Variants in TTLL11 observed in about 807,000 individuals in gnomAD.
The protein encoded by TTLL11 is tubulin polyglutamylase TTLL11.
In TTLL11, 42 loss-of-function variants were observed where a neutral mutation model predicts 51.7. The ratio of observed to expected loss-of-function variants is 0.81; its 90% CI spans 0.64 to 1.05. The LOEUF (loss-of-function observed/expected upper bound fraction) is 1.05. Ranked by LOEUF, TTLL11 falls within the 50% of genes least tolerant of loss-of-function variation. TTLL11 has a pLI of 0.00. For synonymous variants in TTLL11, 381 were observed against 383.5 expected (o/e 0.99, Z 0.08); for missense variants, 799 against 940.4 (o/e 0.85, Z 1.97).
intron 4 of TTLL11, among the ~76,000 whole-genome samples, chr9:121,982,815 A>G (rs530434572): frequency 6.6e-6 from 1 of 152,278 alleles, no homozygotes; most frequent in African/African-American, 2.4e-5. Context: ...CTTCCAAAGA[A>G]TAGCAAAGAG....
rs1446390891 is a variant in TTLL11 at position 122,040,550 on chromosome 9, T to C, written c.463-1182A>G. ...TTTGCTTGTTAAAAGTGCACACAAA[T>C]AGATATGCCAACATATTAAATAAAA... On this transcript the variant is annotated intron_variant, in intron 1 of 8. Coordinates refer to ENST00000321582, the MANE Select transcript of TTLL11 (RefSeq NM_001139442.2). Among the ~76,000 whole-genome samples, 4 of 152,348 alleles carry C rather than the reference T, an allele frequency of 2.6e-5. No homozygotes were observed. In the East Asian group the frequency reaches 5.8e-4, roughly 22 times the overall value.
In TTLL11 at chr9:121,883,743, C is replaced by G. The variant is rs181812911; in HGVS notation, c.1482-12995G>C. On this transcript the variant is annotated intron_variant, in intron 6 of 8. Transcript: ENST00000321582. ...TGCAGTGGTGTTTCTCACAGAAGTACTAAATGTTTAGTTATCAAGGTACAT... is the reference window on the plus strand; with the variant it reads ...TGCAGTGGTGTTTCTCACAGAAGTAGTAAATGTTTAGTTATCAAGGTACAT... Among the ~76,000 whole-genome samples the G allele has an allele frequency of 1.7e-3, 266 of 152,302 alleles. 2 individuals carry two copies. The highest frequency in any genetic ancestry group is 6.2e-3 in the African/African-American group (256 of 41,566).
chr9:122,045,293 C>T (rs1439144634), intron 1 of TTLL11, among the ~76,000 whole-genome samples: 2 of 152,132 alleles, frequency 1.3e-5, no homozygotes, highest in African/African-American at 4.8e-5. Context: ...TTCCTCACCC[C>T]TGTAATCCCA....
intron 6 of TTLL11, among the ~76,000 whole-genome samples, chr9:121,873,380 TCC>T (rs1031727487): frequency 1.8e-4 from 22 of 123,946 alleles, no homozygotes; most frequent in African/African-American, 6.6e-4. Context: ...ATTCTTCTTC[TCC>T]TTTTTTTTTT....
chr9:121,881,755 T>C (rs555543112), intron 6 of TTLL11, among the ~76,000 whole-genome samples: 2 of 152,356 alleles, frequency 1.3e-5, no homozygotes, highest in South Asian at 4.1e-4. Flanking sequence ...AAGGGTGTCC[T>C]GACCTTGCAT....
At chr9:121,883,053 G>C (rs1838857574) in intron 6 of TTLL11, among the ~76,000 whole-genome samples, 1 of 152,046 alleles carries the variant, frequency 6.6e-6, no homozygotes, top group Admixed American at 6.6e-5. Context: ...AAGAATTTGG[G>C]GTAATTTTGC....
chr9:122,036,401 T>C (rs17178044), intron 2 of TTLL11, among the ~76,000 whole-genome samples: 6,663 of 151,926 alleles, frequency 0.044, 289 homozygotes, highest in Admixed American at 0.12. Context: ...TTTTGGACTT[T>C]CTTAAAGCTA....
intron 6 of TTLL11, among the ~76,000 whole-genome samples, chr9:121,911,397 A>G (rs922617276): frequency 7.2e-5 from 11 of 152,262 alleles, no homozygotes; most frequent in Admixed American, 7.2e-4. Context: ...ACTCCATCTC[A>G]GGAGAAAAAA....
intron 4 of TTLL11, among the ~76,000 whole-genome samples, chr9:121,978,449 C>CTGTATTTA: frequency 6.7e-6 from 1 of 148,350 alleles, no homozygotes; most frequent in East Asian, 2.0e-4. Context: ...AAGGAAAAAG[C>CTGTATTTA]TTTATTTATT....
intron 6 of TTLL11, among the ~76,000 whole-genome samples, chr9:121,929,729 A>G (rs1016283538): frequency 1.3e-5 from 2 of 152,226 alleles, no homozygotes; most frequent in Non-Finnish European, 2.9e-5. Flanking sequence ...ACAAGAAGAA[A>G]GCACACTTGA....
chr9:121,879,020 C>T (rs1438529343), intron 6 of TTLL11, among the ~76,000 whole-genome samples: 1 of 152,150 alleles, frequency 6.6e-6, no homozygotes, highest in Non-Finnish European at 1.5e-5. Flanking sequence ...CATACAGTCT[C>T]AAAGCTTTAG....
chr9:121,973,366 G>T (rs1398310352), intron 6 of TTLL11, among the ~76,000 whole-genome samples: 1 of 152,194 alleles, frequency 6.6e-6, no homozygotes, highest in African/African-American at 2.4e-5. Flanking sequence ...CCATGTCCTA[G>T]TTACCTATGG....
chr9:121,873,119 A>T (rs189273693), intron 6 of TTLL11, among the ~76,000 whole-genome samples: 1 of 152,220 alleles, frequency 6.6e-6, no homozygotes, highest in Admixed American at 6.5e-5. Flanking sequence ...TTGGAAATGT[A>T]CAGTTGGAAT....
chr9:121,981,149 A>T (rs1344234742), intron 4 of TTLL11, among the ~76,000 whole-genome samples: 161 of 145,748 alleles, frequency 1.1e-3, no homozygotes, highest in African/African-American at 3.4e-3. Context: ...TTTTTTTTTT[A>T]AATATTCCCT....
chr9:121,925,537 T>A (rs1840698072), intron 6 of TTLL11, among the ~76,000 whole-genome samples: 1 of 151,416 alleles, frequency 6.6e-6, no homozygotes, highest in Non-Finnish European at 1.5e-5. Flanking sequence ...CCCTCTCTCC[T>A]CTTCCTCAAA....
chr9:122,044,419 C>T lies in TTLL11; in HGVS notation c.463-5051G>A, dbSNP rs570244486. Reference sequence around the variant, plus strand: ...AAATGGTATTTCTAGTTCTAGATCCCTGAGGAATTGCCACACCGACTTCCA... The same window carrying T: ...AAATGGTATTTCTAGTTCTAGATCCTTGAGGAATTGCCACACCGACTTCCA... On this transcript the variant is annotated intron_variant, in intron 1 of 8. Transcript: ENST00000321582. Among the ~76,000 whole-genome samples the T allele has an allele frequency of 4.9e-3, 740 of 152,230 alleles. 3 individuals are homozygous for T. Among genetic ancestry groups the T allele is most frequent in the Non-Finnish European group, 7.9e-3 (535 of 68,026 alleles).
intron 6 of TTLL11, among the ~76,000 whole-genome samples, chr9:121,909,776 C>T (rs564868473): frequency 1.3e-5 from 2 of 152,190 alleles, no homozygotes; most frequent in Non-Finnish European, 2.9e-5. Flanking sequence ...TCCCGCAGAG[C>T]ATTCTGGGCA....
chr9:122,018,240 G>A (rs1293070684), intron 3 of TTLL11, among the ~76,000 whole-genome samples: 1 of 151,140 alleles, frequency 6.6e-6, no homozygotes, highest in African/African-American at 2.4e-5. Context: ...AGCCTCCCGA[G>A]TAGCTGGGAC....
intron 3 of TTLL11, among the ~76,000 whole-genome samples, chr9:122,001,706 G>C (rs983782233): frequency 6.6e-6 from 1 of 152,106 alleles, no homozygotes; most frequent in Non-Finnish European, 1.5e-5. Context: ...AAGAGAACTG[G>C]CTGGAAACCA....
Sources: gnomAD v4.1 joint callset for allele counts (sites outside exome capture counted in the v4.1 genomes callset) on GRCh38, gnomAD v4.1.1 for gene constraint, MANE v1.5 for transcripts, NCBI Gene and HGNC (gene_info 2026-07-23, HGNC 2026-07-21) for gene names.